TMC5: variants seen among roughly 807,000 people sequenced by gnomAD.
The protein encoded by TMC5 is transmembrane channel-like protein 5.
TMC5 carries 86 observed loss-of-function variants against 110.5 expected under a neutral mutation model. The ratio of observed to expected loss-of-function variants is 0.78; its 90% CI spans 0.65 to 0.93. The LOEUF (loss-of-function observed/expected upper bound fraction) is 0.93, where lower values mean the gene tolerates loss of function less well. Ranked by LOEUF, TMC5 falls within the 40% of genes least tolerant of loss-of-function variation. The pLI is 0.00. For missense variants in TMC5, 1,144 were observed against 1,222.8 expected (o/e 0.94, Z 0.96); for synonymous variants, 455 against 439.5 (o/e 1.04, Z -0.44).
chr16:19,465,761 A>C (rs1283617474), intron 8 of TMC5, among the ~76,000 whole-genome samples: 1 of 152,178 alleles, frequency 6.6e-6, no homozygotes, highest in African/African-American at 2.4e-5. Flanking sequence ...ATGTTTAGCC[A>C]TAATACTGGT....
intron 11 of TMC5, 152 bp downstream of exon 11, chr16:19,472,395 G>T (rs781088372): frequency 2.5e-5 from 21 of 855,078 alleles, no homozygotes; most frequent in Non-Finnish European, 3.6e-5. Flanking sequence ...CAGGGGTGAG[G>T]CACAGTGGCT....
intron 5 of TMC5, among the ~76,000 whole-genome samples, chr16:19,455,720 C>T (rs7200836): frequency 0.021 from 3,271 of 152,230 alleles, 107 homozygotes; most frequent in Non-Finnish European, 0.021. Flanking sequence ...CACCCTTAGC[C>T]GCAAAGAACA....
rs916651427 is a variant in TMC5, at chr16:19,418,048, G to A, written c.-352G>A. The A allele has an allele frequency of 6.6e-6, 1 of 152,214 alleles. No individual in the cohort carries two copies. The highest frequency in any genetic ancestry group is 1.5e-5 in the Non-Finnish European group (1 of 68,070). The allele number at this position is 152,214 out of a possible 1,614,324, so 9.4% of individuals were successfully genotyped here. The stretch of plus-strand genomic sequence containing the variant: ...TGTCCCTCTAGCTTTGAACTACAAA[G>A]TGGAGGGGAAGTTTGTCTGGATTTT... On this transcript the variant is annotated 5_prime_UTR_variant, in exon 1 of 22. It adds an upstream start codon to the 5' untranslated region. Coordinates refer to ENST00000542583, the MANE Select transcript of TMC5 (RefSeq NM_001261841.2).
At chr16:19,469,353 TAAA>T (rs11333063) in intron 9 of TMC5, among the ~76,000 whole-genome samples, 3 of 141,272 alleles carry the variant, frequency 2.1e-5, no homozygotes, top group African/African-American at 2.7e-5. Context: ...AAACTCTGTC[TAAA>T]AAAAAAAAAA....
At chr16:19,496,887 C>CAAAAAAAAAAA (rs67040638) in intron 20 of TMC5, among the ~76,000 whole-genome samples, 44 of 80,218 alleles carry the variant, frequency 5.5e-4, no homozygotes, top group African/African-American at 2.1e-3. Flanking sequence ...AAGACTCTGT[C>CAAAAAAAAAAA]AAAAAAAAAA....
intron 5 of TMC5, among the ~76,000 whole-genome samples, chr16:19,450,714 T>C (rs11866140): frequency 0.042 from 6,457 of 152,280 alleles, 271 homozygotes; most frequent in African/African-American, 0.1. Flanking sequence ...CTGGAGCACA[T>C]GCCTACACTT....
At chr16:19,427,270 A>G (rs1207496077) in intron 1 of TMC5, among the ~76,000 whole-genome samples, 2 of 152,226 alleles carry the variant, frequency 1.3e-5, no homozygotes, top group Non-Finnish European at 2.9e-5. Flanking sequence ...CCTGGGCAAC[A>G]TGGTGAATTA....
chr16:19,419,435 CAG>C (rs1293760199), intron 1 of TMC5, among the ~76,000 whole-genome samples: 2 of 70,902 alleles, frequency 2.8e-5, no homozygotes, highest in Non-Finnish European at 5.2e-5. Context: ...TTTTTTGAGA[CAG>C]TGTCTTGCTC....
In TMC5 at chr16:19,479,474, T is replaced by C. The variant is rs1443032010; in HGVS notation, c.2213T>C (p.Leu738Pro). The part of the protein sequence containing the change: ...LIGQDIYRLL[L>P]MDFVFSLVNS... ...GGCCAGGACATCTACCGGCTCCTTCTGATGGATTTTGTGTTCTCTTTAGTC... is the reference window on the plus strand; with the variant it reads ...GGCCAGGACATCTACCGGCTCCTTCCGATGGATTTTGTGTTCTCTTTAGTC... Residue 738 changes from leucine (L) to proline (P), a missense_variant, in exon 14 of 22, where the codon CTG becomes CCG. Physicochemically the swap from Leu to Pro is moderately conservative, Grantham distance 98. Transcript: ENST00000542583. 1 of 1,613,992 alleles carries C rather than the reference T, an allele frequency of 6.2e-7. No homozygotes were observed. The highest frequency in any genetic ancestry group is 8.5e-7 in the Non-Finnish European group (1 of 1,179,982).
chr16:19,492,050 C>T (rs1289968195), intron 18 of TMC5, 100 bp from the exon 19 acceptor site: 6 of 919,784 alleles, frequency 6.5e-6, no homozygotes, highest in Non-Finnish European at 8.7e-6. Context: ...TGGGCCAAAT[C>T]CATCTGCAAG....
intron 1 of TMC5, among the ~76,000 whole-genome samples, chr16:19,420,003 T>G (rs1217398314): frequency 6.6e-6 from 1 of 152,108 alleles, no homozygotes; most frequent in Non-Finnish European, 1.5e-5. Context: ...GAAAGGAATA[T>G]TTATAGGGAG....
At chr16:19,451,090 C>T (rs74013784) in intron 5 of TMC5, among the ~76,000 whole-genome samples, 10,859 of 152,178 alleles carry the variant, frequency 0.071, 787 homozygotes, top group African/African-American at 0.19. Context: ...GCTGTGATCA[C>T]GCCATTGCAG....
In TMC5 at chr16:19,425,593, T is replaced by C. The variant is rs1045408280; in HGVS notation, c.-307-4820T>C. ...GCTTTCTAGAGCTGGCGCACAGCTG[T>C]TATCCTGGGATTTCTTTCCATTGTC... On this transcript the variant is annotated intron_variant, in intron 1 of 21. Transcript: ENST00000542583. 5.9e-5 allele frequency among the ~76,000 whole-genome samples: 9 copies of C among 152,204 alleles called. No individual in the cohort carries two copies. In the South Asian group the frequency reaches 8.3e-4, roughly 14 times the overall value.
chr16:19,453,600 AAAG>A (rs1408566428), intron 5 of TMC5, among the ~76,000 whole-genome samples: 2 of 151,540 alleles, frequency 1.3e-5, no homozygotes, highest in Non-Finnish European at 2.9e-5. Context: ...AAAAAAAAAA[AAAG>A]AAGAAAAAAG....
At chr16:19,494,214 T>C in intron 19 of TMC5, 48 bp from the exon 20 acceptor site, 1 of 1,432,314 alleles carries the variant, frequency 7.0e-7, no homozygotes, top group South Asian at 1.2e-5. Flanking sequence ...CATACCATCA[T>C]TCATTCATAT....
intron 5 of TMC5, among the ~76,000 whole-genome samples, chr16:19,457,565 C>T (rs763323610): frequency 3.4e-4 from 52 of 151,898 alleles, no homozygotes; most frequent in Non-Finnish European, 5.6e-4. Context: ...TGTTATCCAT[C>T]GAATTTTTAT....
At chr16:19,454,937 G>A (rs932524935) in intron 5 of TMC5, among the ~76,000 whole-genome samples, 38 of 152,062 alleles carry the variant, frequency 2.5e-4, no homozygotes, top group African/African-American at 9.2e-4. Flanking sequence ...CCAGGGGTTC[G>A]AGACCAGCCT....
chr16:19,452,648 C>T (rs560557786), intron 5 of TMC5, among the ~76,000 whole-genome samples: 13 of 152,152 alleles, frequency 8.5e-5, no homozygotes, highest in South Asian at 4.1e-4. Flanking sequence ...ACTCAGGAGG[C>T]GGAGAATGCA....
rs550041611 is a variant in TMC5 at position 19,460,218 on chromosome 16, A to T, written c.1049-17A>T. On this transcript the variant is annotated splice_polypyrimidine_tract_variant and intron_variant, in intron 5 of 21. Transcript: ENST00000542583. ...TTAAAGAAAAAAGAAATTAAATTCC[A>T]TTAATTTCTTTCATAGGACAGAAGT... The T allele has an allele frequency of 8.4e-5, 131 of 1,568,004 alleles. No homozygotes were observed. The Middle Eastern group carries it at 1.2e-3, about 14-fold the overall frequency.
Sources: allele counts gnomAD v4.1 joint callset (sites outside exome capture counted in the v4.1 genomes callset), GRCh38; gene constraint gnomAD v4.1.1; transcripts MANE v1.5; gene names NCBI Gene and HGNC (gene_info 2026-07-23, HGNC 2026-07-21).